Variants in VRK2 observed in about 807,000 individuals in gnomAD.
VRK2 encodes the protein serine/threonine-protein kinase VRK2.
VRK2 carries 60 observed loss-of-function variants against 57.6 expected under a neutral mutation model. The observed-to-expected ratio is 1.04, with a 90% CI of 0.85 to 1.29. The LOEUF (loss-of-function observed/expected upper bound fraction) is 1.29, where lower values mean the gene tolerates loss of function less well. VRK2 is among the 50% of genes most tolerant of loss of function. The probability of loss-of-function intolerance (pLI) is 0.00; values close to 1 mark genes in which losing one functional copy is unlikely to be tolerated. For missense variants in VRK2, 705 were observed against 588.1 expected (o/e 1.20, Z -2.06); for synonymous variants, 231 against 199.2 (o/e 1.16, Z -1.35).
chr2:58,009,010 C>T (rs915531558), intron 1 of VRK2, among the ~76,000 whole-genome samples: 1 of 152,040 alleles, frequency 6.6e-6, no homozygotes, highest in African/African-American at 2.4e-5. Context: ...ATTCCCTCTG[C>T]CAACCCCTTT....
chr2:58,096,960 G>C (rs1328108957), intron 7 of VRK2, among the ~76,000 whole-genome samples: 1 of 151,890 alleles, frequency 6.6e-6, no homozygotes, highest in Non-Finnish European at 1.5e-5. Context: ...AAATTTTTAT[G>C]TGGAAGGGCC....
intron 1 of VRK2, among the ~76,000 whole-genome samples, chr2:57,959,850 G>C (rs370767857): frequency 1.3e-5 from 2 of 152,056 alleles, no homozygotes; most frequent in African/African-American, 2.4e-5. Flanking sequence ...CATAGTTTTC[G>C]GTGGATGTGT....
chr2:57,977,924 T>C (rs756578519), intron 1 of VRK2, among the ~76,000 whole-genome samples: 19 of 151,202 alleles, frequency 1.3e-4, no homozygotes, highest in Non-Finnish European at 2.4e-4. Context: ...GTATTTAACA[T>C]GAAGGGTGTT....
chr2:58,064,878 T>G, intron 2 of VRK2, among the ~76,000 whole-genome samples: 1 of 152,078 alleles, frequency 6.6e-6, no homozygotes. Flanking sequence ...TTTTAACATG[T>G]CATAGTTTTG....
In VRK2 at chr2:57,990,330, T is replaced by A. The variant is rs142026597; in HGVS notation, c.-438-35335T>A. Among the ~76,000 whole-genome samples the A allele has an allele frequency of 1.6e-3, 251 of 152,322 alleles. 2 individuals carry two copies. The highest frequency in any genetic ancestry group is 0.01 in the Middle Eastern group (3 of 294). ...TTGACACAGTTCAGTCTTTATACAG[T>A]TCCCCTTAGACTACAAAAGAGATCA... is the stretch of plus-strand genomic sequence containing the variant. On this transcript the variant is annotated intron_variant, in intron 1 of 15. Transcript: ENST00000417641.
chr2:58,043,358 A>T (rs1412056816), upstream of VRK2, among the ~76,000 whole-genome samples: 1 of 152,186 alleles, frequency 6.6e-6, no homozygotes, highest in East Asian at 1.9e-4. Flanking sequence ...ATTCAATTTT[A>T]AGTGTATAAC....
chr2:58,015,978 A>T (rs1435557799), intron 1 of VRK2, among the ~76,000 whole-genome samples: 2 of 151,572 alleles, frequency 1.3e-5, no homozygotes, highest in African/African-American at 2.4e-5. Context: ...GAAGACATTT[A>T]TTCACTCAGG....
chr2:57,912,882 G>C (rs1281479935), intron 1 of VRK2, among the ~76,000 whole-genome samples: 1 of 152,110 alleles, frequency 6.6e-6, no homozygotes, highest in Non-Finnish European at 1.5e-5. Context: ...GGGACTTTGG[G>C]ACATGATGGT....
rs201301792 is a variant in VRK2 at position 58,139,770 on chromosome 2, G to C, written c.961G>C (p.Gly321Arg). ...KILNPHGIPL[G>R]PLDFSTKGQS... ...TTTGAACCCTCATGGAATACCTTTA[G>C]GACCACTGGACTTTTCCACAAAAGG... Residue 321 changes from glycine to arginine, a missense_variant, in exon 11 of 13, where the codon GGA becomes CGA. Gly to Arg is a moderately radical substitution (Grantham distance 125). Coordinates refer to ENST00000340157, the MANE Select transcript of VRK2 (RefSeq NM_006296.7). The C allele has an allele frequency of 1.9e-6, 3 of 1,613,078 alleles. No individual in the cohort carries two copies. The East Asian group carries it at 6.7e-5, about 36-fold the overall frequency.
At chr2:57,949,372 T>G (rs1458841415) in intron 1 of VRK2, among the ~76,000 whole-genome samples, 2 of 152,194 alleles carry the variant, frequency 1.3e-5, no homozygotes, top group Non-Finnish European at 2.9e-5. Context: ...TGTGCTCACT[T>G]TTCTCTGTAT....
chr2:58,061,452 A>G (rs372575012), intron 2 of VRK2, among the ~76,000 whole-genome samples: 5 of 152,042 alleles, frequency 3.3e-5, no homozygotes, highest in African/African-American at 9.6e-5. Context: ...ACTACATTGG[A>G]AAAAAAGTCT....
intron 1 of VRK2, among the ~76,000 whole-genome samples, chr2:58,005,923 T>C (rs1429785315): frequency 2.6e-5 from 4 of 152,206 alleles, no homozygotes; most frequent in Non-Finnish European, 5.9e-5. Context: ...AGGGGATTGC[T>C]GCTGCTTTGA....
chr2:58,150,563 T>G (rs201418998), intron 12 of VRK2, among the ~76,000 whole-genome samples: 1 of 70,048 alleles, frequency 1.4e-5, no homozygotes, highest in Non-Finnish European at 2.4e-5. Flanking sequence ...TTTTTTTTAG[T>G]TTTTTTTTTT....
intron 1 of VRK2, among the ~76,000 whole-genome samples, chr2:57,954,293 G>C (rs982236084): frequency 4.6e-5 from 7 of 152,016 alleles, no homozygotes; most frequent in African/African-American, 1.4e-4. Flanking sequence ...TTATGGATTT[G>C]ATTCTATTCA....
intron 7 of VRK2, among the ~76,000 whole-genome samples, chr2:58,098,916 A>G (rs1673546334): frequency 6.6e-6 from 1 of 152,078 alleles, no homozygotes; most frequent in Non-Finnish European, 1.5e-5. Flanking sequence ...TTTGTGCTTC[A>G]TTGATAGGTA....
At chr2:58,059,304 AATACATTTGTCTAGTTTT>A (rs1214249614) in intron 2 of VRK2, among the ~76,000 whole-genome samples, 2 of 152,044 alleles carry the variant, frequency 1.3e-5, no homozygotes, top group Non-Finnish European at 2.9e-5. Context: ...TGCAAAACTG[AATACATTTGTCTAGTTTT>A]ATACATTTTA....
At chr2:57,965,911 T>C (rs1254295164) in intron 1 of VRK2, among the ~76,000 whole-genome samples, 1 of 152,216 alleles carries the variant, frequency 6.6e-6, no homozygotes, top group Admixed American at 6.5e-5. Flanking sequence ...CATATATGTA[T>C]TATTGTTATA....
At chr2:58,057,844 A>AT (rs922052496) in intron 2 of VRK2, among the ~76,000 whole-genome samples, 25 of 149,178 alleles carry the variant, frequency 1.7e-4, no homozygotes, top group East Asian at 1.2e-3. Context: ...TTTAATGTAC[A>AT]TTTTTTTTTT....
At chr2:58,028,512 T>G (rs958096285) in intron 2 of VRK2, 5 of 152,118 alleles carry the variant, frequency 3.3e-5, no homozygotes, top group Admixed American at 6.6e-5. Flanking sequence ...GTATTTCTAG[T>G]TCTAGATTCC....
Sources: allele counts gnomAD v4.1 joint callset (sites outside exome capture counted in the v4.1 genomes callset), GRCh38; gene constraint gnomAD v4.1.1; transcripts MANE v1.5; gene names NCBI Gene and HGNC (gene_info 2026-07-23, HGNC 2026-07-21).